SIN3A: variants seen among roughly 807,000 people sequenced by gnomAD.
SIN3A encodes SIN3 transcription regulator family member A.
SIN3A carries 14 observed loss-of-function variants against 146.1 expected under a neutral mutation model. The ratio of observed to expected loss-of-function variants is 0.10; its 90% confidence interval spans 0.06 to 0.15. The LOEUF (loss-of-function observed/expected upper bound fraction) is 0.15. SIN3A is among the 10% of genes least tolerant of loss of function. SIN3A has a pLI of 1.00. For synonymous variants in SIN3A, 572 were observed against 572.0 expected (o/e 1.00, Z 0.00); for missense variants, 1,028 against 1,576.0 (o/e 0.65, Z 5.89).
At chr15:75,422,903 T>G in intron 2 of SIN3A, 80 bp from the exon 3 acceptor site, 2 of 1,415,610 alleles carry the variant, frequency 1.4e-6, no homozygotes, top group South Asian at 1.3e-5. Context: ...CTAACACAAA[T>G]GCACAAAGAT....
At chr15:75,435,956 T>C (rs1221764801) in intron 1 of SIN3A, among the ~76,000 whole-genome samples, 1 of 146,958 alleles carries the variant, frequency 6.8e-6, no homozygotes, top group East Asian at 2.1e-4. Context: ...GATGACCCTG[T>C]CTCTACAAAA....
At chr15:75,379,805 G>T (rs1451861018) in intron 19 of SIN3A, among the ~76,000 whole-genome samples, 1 of 152,156 alleles carries the variant, frequency 6.6e-6, no homozygotes, top group African/African-American at 2.4e-5. Flanking sequence ...ATACTTGGAG[G>T]ATCAGTATCA....
intron 1 of SIN3A, among the ~76,000 whole-genome samples, chr15:75,445,546 G>A (rs1010016294): frequency 1.3e-5 from 2 of 151,382 alleles, no homozygotes; most frequent in Non-Finnish European, 2.9e-5. Flanking sequence ...ACTCCAGCCT[G>A]GGAGACAGAG....
chr15:75,386,701 A>G (rs2073089682), intron 16 of SIN3A, among the ~76,000 whole-genome samples: 1 of 152,200 alleles, frequency 6.6e-6, no homozygotes, highest in Non-Finnish European at 1.5e-5. Flanking sequence ...TGCAGGAGAG[A>G]AAAATCACCT....
chr15:75,372,200 G>A lies in SIN3A; in HGVS notation c.3601C>T (p.Arg1201Cys), dbSNP rs747451113. 9.6e-5 allele frequency: 153 copies of A among 1,589,518 alleles called. No homozygotes were observed. The highest frequency in any genetic ancestry group is 1.2e-4 in the Non-Finnish European group (145 of 1,167,100). ...ALLRAHQSHE[R>C]VSKRLHQRFQ... ...CTCTGATGTAGACGCTTGCTTACAC[G>A]CTCATGGGACTGCAAAACAGAAAAA... The change falls in exon 21 of 21, where the codon CGT becomes TGT. Residue 1201 changes from arginine (R) to cysteine (C), a missense_variant. Arg to Cys is a radical substitution (Grantham distance 180). This residue lies in a region of SIN3A where 488 missense variants were observed against 690.2 expected (regional missense o/e 0.71). Transcript: ENST00000394947.
intron 20 of SIN3A, among the ~76,000 whole-genome samples, chr15:75,374,791 C>CAA (rs1241166757): frequency 2.6e-5 from 4 of 152,236 alleles, no homozygotes; most frequent in African/African-American, 9.6e-5. Context: ...ATTCAGGCCT[C>CAA]AAGCATCACC....
chr15:75,448,493 CAA>C (rs377718727), intron 1 of SIN3A, among the ~76,000 whole-genome samples: 3 of 127,474 alleles, frequency 2.4e-5, no homozygotes, highest in Non-Finnish European at 3.3e-5. Flanking sequence ...GACTCCATCT[CAA>C]AAAAAAAAAA....
intron 9 of SIN3A, among the ~76,000 whole-genome samples, chr15:75,406,666 C>A (rs538125906): frequency 6.6e-6 from 1 of 151,840 alleles, no homozygotes; most frequent in South Asian, 2.1e-4. Flanking sequence ...CCAGCCTGGG[C>A]GACAGCGAGA....
chr15:75,373,730 A>T (rs2072800066), intron 20 of SIN3A, among the ~76,000 whole-genome samples: 1 of 151,512 alleles, frequency 6.6e-6, no homozygotes, highest in South Asian at 2.1e-4. Context: ...GGGCAACGTA[A>T]GGAGACCCCG....
At chr15:75,422,349 C>A in intron 3 of SIN3A, 2 of 598,608 alleles carry the variant, frequency 3.3e-6, no homozygotes, top group South Asian at 2.1e-5. Context: ...CAAAAGGAAG[C>A]AGCCAAAAAA....
chr15:75,413,114 A>AT, intron 4 of SIN3A, 69 bp from the exon 5 acceptor site: 1 of 1,482,870 alleles, frequency 6.7e-7, no homozygotes, highest in Non-Finnish European at 9.1e-7. Context: ...AAAAAATTTC[A>AT]TGTTTTTTTT....
At chr15:75,411,342 C>G in intron 6 of SIN3A, 150 bp downstream of exon 6, 2 of 924,802 alleles carry the variant, frequency 2.2e-6, no homozygotes, top group Non-Finnish European at 3.2e-6. Context: ...AACAAACAAA[C>G]AAACAAACTG....
At chr15:75,430,869 G>A (rs572699546) in intron 1 of SIN3A, among the ~76,000 whole-genome samples, 12 of 151,740 alleles carry the variant, frequency 7.9e-5, no homozygotes, top group Admixed American at 4.6e-4. Flanking sequence ...TCCACCTCCC[G>A]GGTTCACGCC....
chr15:75,380,576 A>G (rs1221895051), intron 19 of SIN3A, 53 bp downstream of exon 19: 1 of 1,296,834 alleles, frequency 7.7e-7, no homozygotes, highest in Non-Finnish European at 1.1e-6. Flanking sequence ...TTAACTCTCC[A>G]TTCCTCAATC....
At position 75,411,498 on chromosome 15, in the gene SIN3A, T is replaced by G; in HGVS notation, c.1002A>C (p.Thr334=). The part of the protein sequence containing the change: ...IYKAFLEILH[T]YQKEQRNAKE... ...CTGAATGGGCACTCCTTACCTGATA[T>G]GTGTGCAAAATCTCCAGGAATGCTT... Residue 334 remains threonine, a synonymous_variant, in exon 6 of 21, where the codon ACA becomes ACC. Transcript: ENST00000394947. 1 of 1,613,666 alleles carries G rather than the reference T, an allele frequency of 6.2e-7. No homozygotes were observed. Among genetic ancestry groups the G allele is most frequent in the Non-Finnish European group, 8.5e-7 (1 of 1,179,710 alleles).
chr15:75,392,384 G>A lies in SIN3A; in HGVS notation c.2709C>T (p.Cys903=), dbSNP rs774416757. 6.2e-7 allele frequency: 1 copy of A among 1,614,218 alleles called. No homozygotes were observed. Among genetic ancestry groups the A allele is most frequent in the South Asian group, 1.1e-5 (1 of 91,084 alleles). The change falls in exon 15 of 21, where the codon TGC becomes TGT. Residue 903 remains cysteine (C), a synonymous_variant. Coordinates refer to ENST00000394947, the MANE Select transcript of SIN3A (RefSeq NM_001145358.2). Reference sequence around the variant, plus strand: ...GGGAACAAATCCGTAGCAGCCTCAGGCAGAGAATCTGGTGCAGTCGCATAA... The same window carrying A: ...GGGAACAAATCCGTAGCAGCCTCAGACAGAGAATCTGGTGCAGTCGCATAA... ...YIFMRLHQIL[C]LRLLRICSQA...
At chr15:75,437,658 G>A (rs2074130477) in intron 1 of SIN3A, among the ~76,000 whole-genome samples, 1 of 152,148 alleles carries the variant, frequency 6.6e-6, no homozygotes, top group Non-Finnish European at 1.5e-5. Flanking sequence ...TATAAAGAAA[G>A]CCAAACGATG....
chr15:75,395,442 G>T (rs1249892572), intron 13 of SIN3A, among the ~76,000 whole-genome samples: 11 of 152,200 alleles, frequency 7.2e-5, no homozygotes, highest in Non-Finnish European at 1.5e-5. Context: ...GGAAGATGAG[G>T]GAGAAGAAAC....
intron 2 of SIN3A, among the ~76,000 whole-genome samples, chr15:75,428,356 C>G (rs1041013742): frequency 3.3e-5 from 5 of 152,112 alleles, no homozygotes; most frequent in Non-Finnish European, 5.9e-5. Flanking sequence ...CACTGTTGTC[C>G]AGTCTGAAGT....
Sources: allele counts gnomAD v4.1 joint callset (sites outside exome capture counted in the v4.1 genomes callset), GRCh38; gene constraint gnomAD v4.1.1; regional missense constraint gnomAD v4.1.1; transcripts MANE v1.5; gene names NCBI Gene and HGNC (gene_info 2026-07-23, HGNC 2026-07-21).